FAM237B: variants seen among roughly 807,000 people sequenced by gnomAD.
FAM237B encodes the protein protein FAM237B.
rs42610 is a variant in FAM237B, at chr7:90,320,697, A to T, written c.-20T>A. On this transcript the variant is annotated 5_prime_UTR_variant, in exon 2 of 3. Coordinates refer to ENST00000692316, the MANE Select transcript of FAM237B (RefSeq NM_001384237.2). ...AGGACTCACCTTTCCCCCCGTACAC[A>T]GCCGTCTGCCACCTCCCTAAAAAAG... is the stretch of plus-strand genomic sequence containing the variant. 6.6e-6 allele frequency: 1 copy of T among 152,332 alleles called. No homozygotes were observed. The highest frequency in any genetic ancestry group is 1.5e-5 in the Non-Finnish European group (1 of 68,158). The allele number at this position is 152,332 out of a possible 1,614,324, so 9.4% of individuals were successfully genotyped here.
rs1394395396 is a variant in FAM237B at position 90,320,682 on chromosome 7, T to A, written c.-5A>T. 6.6e-6 allele frequency: 1 copy of A among 152,290 alleles called. No homozygotes were observed. Among genetic ancestry groups the A allele is most frequent in the African/African-American group, 2.4e-5 (1 of 41,452 alleles). 9.4% of individuals were successfully genotyped at this position (152,290 alleles called of 1,614,324 possible). A position where few individuals can be genotyped will look rare whatever the true frequency, so the allele number is the denominator to read the frequency against. On this transcript the variant is annotated splice_region_variant and 5_prime_UTR_variant, in exon 2 of 3. It adds an upstream start codon to the 5' untranslated region. Coordinates refer to ENST00000692316, the MANE Select transcript of FAM237B (RefSeq NM_001384237.2). ...ACAGATCCAGAACACAGGACTCACC[T>A]TTCCCCCCGTACACAGCCGTCTGCC...
chr7:90,321,153 A>C lies in FAM237B; in HGVS notation c.-282T>G, dbSNP rs1795277135. On this transcript the variant is annotated 5_prime_UTR_variant, in exon 1 of 3. Coordinates refer to ENST00000692316, the MANE Select transcript of FAM237B (RefSeq NM_001384237.2). ...GAACTGGGCGAGGCAGCGCTGTGTC[A>C]CCCACCCCGAGCGCTCACCGGGCGC... The C allele has an allele frequency of 6.6e-6, 1 of 152,164 alleles. No homozygotes were observed. Among genetic ancestry groups the C allele is most frequent in the African/African-American group, 2.4e-5 (1 of 41,422 alleles). The allele number at this position is 152,164 out of a possible 1,614,324, so 9.4% of individuals were successfully genotyped here.
In FAM237B at chr7:90,319,502, G is replaced by C. The variant is rs17867618; in HGVS notation, c.247C>G (p.Arg83Gly). 1.0e-5 allele frequency: 4 copies of C among 398,326 alleles called. No individual in the cohort carries two copies. Among genetic ancestry groups the C allele is most frequent in the Admixed American group, 4.4e-5 (1 of 22,698 alleles). 24.7% of individuals were successfully genotyped at this position (398,326 alleles called of 1,614,324 possible). ...NFMLFLQKSQ[R>G]PGHYNVFLNI... ...AAGAAGACATTATAATGTCCAGGCC[G>C]CTGAGATTTTTGCAAGAACAACATG... Residue 83 changes from arginine to glycine, a missense_variant, in exon 3 of 3, where the codon CGG (arginine) becomes GGG (glycine). Coordinates refer to ENST00000692316, the MANE Select transcript of FAM237B (RefSeq NM_001384237.2).
rs1795142907 is a variant in FAM237B, at chr7:90,319,782, A to T, written c.-3-31T>A. 7.5e-6 allele frequency: 3 copies of T among 398,508 alleles called. No individual in the cohort carries two copies. The East Asian group carries it at 1.1e-4, about 14-fold the overall frequency. 24.7% of individuals were successfully genotyped at this position (398,508 alleles called of 1,614,324 possible). A position where few individuals can be genotyped will look rare whatever the true frequency, so the allele number is the denominator to read the frequency against. ...CAGAAAAAAAAATGAGAGAGGATAT[A>T]TTTAACTTAAAAAAGTTATTCAATC... is the stretch of plus-strand genomic sequence containing the variant. On this transcript the variant is annotated intron_variant, in intron 2 of 2. Coordinates refer to ENST00000692316, the MANE Select transcript of FAM237B (RefSeq NM_001384237.2).
At chr7:90,320,006 C>G (rs1034095820) in intron 2 of FAM237B, among the ~76,000 whole-genome samples, 2 of 152,146 alleles carry the variant, frequency 1.3e-5, no homozygotes, top group South Asian at 2.1e-4. Context: ...TTCATTTCAT[C>G]ACAGACCTTT....
rs1274484098 is a variant in FAM237B at position 90,319,076 on chromosome 7, G to T, written c.*253C>A. 2 of 268,096 alleles carry T rather than the reference G, an allele frequency of 7.5e-6. No homozygotes were observed. Among genetic ancestry groups the T allele is most frequent in the Non-Finnish European group, 6.9e-6 (1 of 144,590 alleles). 16.6% of individuals were successfully genotyped at this position (268,096 alleles called of 1,614,324 possible). A position where few individuals can be genotyped will look rare whatever the true frequency, so the allele number is the denominator to read the frequency against. The stretch of plus-strand genomic sequence containing the variant: ...ATATGAATAATTACAGGGTTAAATG[G>T]CTTTCTTATGAACTATTCATGGGCA... On this transcript the variant is annotated 3_prime_UTR_variant, in exon 3 of 3. Transcript: ENST00000692316.
In FAM237B at chr7:90,319,193, G is replaced by T; in HGVS notation, c.*136C>A. The T allele has an allele frequency of 2.6e-6, 1 of 390,638 alleles. No homozygotes were observed. The highest frequency in any genetic ancestry group is 4.5e-6 in the Non-Finnish European group (1 of 221,490). The allele number at this position is 390,638 out of a possible 1,614,324, so 24.2% of individuals were successfully genotyped here. On this transcript the variant is annotated 3_prime_UTR_variant, in exon 3 of 3. Coordinates refer to ENST00000692316, the MANE Select transcript of FAM237B (RefSeq NM_001384237.2). ...AGAGCTTGTGTGGTTTGTAAATAAT[G>T]TAAAATGAGTAAAAATGAGAATCAA...
chr7:90,319,999 A>G (rs1198699983), intron 2 of FAM237B, among the ~76,000 whole-genome samples: 1 of 152,168 alleles, frequency 6.6e-6, no homozygotes, highest in Admixed American at 6.5e-5. Flanking sequence ...GCAAAGGTTC[A>G]TTTCATCACA....
Position 90,318,933 on chromosome 7 carries a change from G to T in FAM237B, c.*396C>A, listed in dbSNP as rs1472407631. The stretch of plus-strand genomic sequence containing the variant: ...CCTGTAAGATTTAAAAGAAGAAATT[G>T]TTAATATTCATTCCAATATGACTCT... On this transcript the variant is annotated 3_prime_UTR_variant, in exon 3 of 3. Coordinates refer to ENST00000692316, the MANE Select transcript of FAM237B (RefSeq NM_001384237.2). 2 of 153,214 alleles carry T rather than the reference G, an allele frequency of 1.3e-5. No homozygotes were observed. The highest frequency in any genetic ancestry group is 1.5e-5 in the Non-Finnish European group (1 of 68,764). The allele number at this position is 153,214 out of a possible 1,614,324, so 9.5% of individuals were successfully genotyped here.
At position 90,319,378 on chromosome 7, in the gene FAM237B, A is replaced by C; in HGVS notation, c.371T>G (p.Phe124Cys). 1 of 398,576 alleles carries C rather than the reference A, an allele frequency of 2.5e-6. No individual in the cohort carries two copies. Among genetic ancestry groups the C allele is most frequent in the Non-Finnish European group, 4.4e-6 (1 of 226,046 alleles). 24.7% of individuals were successfully genotyped at this position (398,576 alleles called of 1,614,324 possible). A position where few individuals can be genotyped will look rare whatever the true frequency, so the allele number is the denominator to read the frequency against. The part of the protein sequence containing the change: ...RRQVMPPKYN[F>C]PQKITGGNLN... ...ATTACCTCCTGTTATTTTCTGTGGA[A>C]AATTATATTTGGGGGGCATCACCTG... The change falls in exon 3 of 3, where the codon TTT becomes TGT. Residue 124 changes from phenylalanine (F) to cysteine (C), a missense_variant. Phe to Cys is a radical substitution (Grantham distance 205, BLOSUM62 -2). Transcript: ENST00000692316.
At position 90,320,697 on chromosome 7, in the gene FAM237B, A is replaced by G. The variant is rs42610; in HGVS notation, c.-20T>C. On this transcript the variant is annotated 5_prime_UTR_variant, in exon 2 of 3. Coordinates refer to ENST00000692316, the MANE Select transcript of FAM237B (RefSeq NM_001384237.2). Reference sequence around the variant, plus strand: ...AGGACTCACCTTTCCCCCCGTACACAGCCGTCTGCCACCTCCCTAAAAAAG... The same window carrying G: ...AGGACTCACCTTTCCCCCCGTACACGGCCGTCTGCCACCTCCCTAAAAAAG... The G allele has an allele frequency of 0.88, 133,440 of 152,440 alleles. 58,549 individuals are homozygous for G. The highest frequency in any genetic ancestry group is 1 in the East Asian group (5,178 of 5,184). The allele number at this position is 152,440 out of a possible 1,614,324, so 9.4% of individuals were successfully genotyped here.
Position 90,321,187 on chromosome 7 carries a change from G to T in FAM237B, c.-316C>A, listed in dbSNP as rs42615. On this transcript the variant is annotated 5_prime_UTR_variant, in exon 1 of 3. Coordinates refer to ENST00000692316, the MANE Select transcript of FAM237B (RefSeq NM_001384237.2). Reference sequence around the variant, plus strand: ...GAGCGCTCACCGGGCGCCCAAGCTCGCTCAGCGGAACCGTCTCGGCCGCGG... The same window carrying T: ...GAGCGCTCACCGGGCGCCCAAGCTCTCTCAGCGGAACCGTCTCGGCCGCGG... The T allele has an allele frequency of 0.5, 76,777 of 152,210 alleles. 20,251 individuals are homozygous for T. The highest frequency in any genetic ancestry group is 0.59 in the Non-Finnish European group (39,863 of 68,022). 9.4% of individuals were successfully genotyped at this position (152,210 alleles called of 1,614,324 possible).
Position 90,319,094 on chromosome 7 carries a change from C to A in FAM237B, c.*235G>T. On this transcript the variant is annotated 3_prime_UTR_variant, in exon 3 of 3. Coordinates refer to ENST00000692316, the MANE Select transcript of FAM237B (RefSeq NM_001384237.2). ...TTAAATGGCTTTCTTATGAACTATT[C>A]ATGGGCAAACAAGGATAATTTTAAT... is the stretch of plus-strand genomic sequence containing the variant. The A allele has an allele frequency of 3.3e-6, 1 of 304,652 alleles. No individual in the cohort carries two copies. The highest frequency in any genetic ancestry group is 6.0e-6 in the Non-Finnish European group (1 of 167,884). The allele number at this position is 304,652 out of a possible 1,614,324, so 18.9% of individuals were successfully genotyped here.
chr7:90,319,227 A>G lies in FAM237B; in HGVS notation c.*102T>C. ...GTAAAAATGAGAATCAAAACCTATCATTTTAGGGAAAAAAACTAAATATGG... is the reference window on the plus strand; with the variant it reads ...GTAAAAATGAGAATCAAAACCTATCGTTTTAGGGAAAAAAACTAAATATGG... On this transcript the variant is annotated 3_prime_UTR_variant, in exon 3 of 3. Transcript: ENST00000692316. 2.5e-6 allele frequency: 1 copy of G among 396,932 alleles called. No individual in the cohort carries two copies. Among genetic ancestry groups the G allele is most frequent in the Non-Finnish European group, 4.4e-6 (1 of 225,466 alleles). The allele number at this position is 396,932 out of a possible 1,614,324, so 24.6% of individuals were successfully genotyped here.
rs2117573136 is a variant in FAM237B at position 90,317,599 on chromosome 7, A to G, written c.*1730T>C. 6.6e-6 allele frequency: 1 copy of G among 152,198 alleles called. No homozygotes were observed. The highest frequency in any genetic ancestry group is 1.9e-4 in the East Asian group (1 of 5,184). The allele number at this position is 152,198 out of a possible 1,614,324, so 9.4% of individuals were successfully genotyped here. On this transcript the variant is annotated 3_prime_UTR_variant, in exon 3 of 3. Transcript: ENST00000692316. ...AGGTCCTTTAATATTGAAAATTCCT[A>G]ACCTGGGGTTTATGCAGCCCCCTGA...
At chr7:90,320,044 A>G (rs1795177294) in intron 2 of FAM237B, among the ~76,000 whole-genome samples, 1 of 152,232 alleles carries the variant, frequency 6.6e-6, no homozygotes, top group Non-Finnish European at 1.5e-5. Flanking sequence ...TAAAGAGCTT[A>G]TGCTCCAACC....
At position 90,318,054 on chromosome 7, in the gene FAM237B, AAGTGGGAAAC is replaced by A. The variant is rs1794970650; in HGVS notation, c.*1265_*1274del. ...TTCATGTGTCCCTCTTCACTAGGAG[AAGTGGGAAAC>A]AGACCAAATTTATAGGCACCCTTTA... is the stretch of plus-strand genomic sequence containing the variant. On this transcript the variant is annotated 3_prime_UTR_variant, in exon 3 of 3. Coordinates refer to ENST00000692316, the MANE Select transcript of FAM237B (RefSeq NM_001384237.2). The A allele has an allele frequency of 6.6e-6, 1 of 152,144 alleles. No homozygotes were observed. The highest frequency in any genetic ancestry group is 6.6e-5 in the Admixed American group (1 of 15,264). The allele number at this position is 152,144 out of a possible 1,614,324, so 9.4% of individuals were successfully genotyped here. A position where few individuals can be genotyped will look rare whatever the true frequency, so the allele number is the denominator to read the frequency against.
At position 90,319,591 on chromosome 7, in the gene FAM237B, G is replaced by A; in HGVS notation, c.158C>T (p.Ser53Phe). 2.5e-6 allele frequency: 1 copy of A among 398,560 alleles called. No homozygotes were observed. Among genetic ancestry groups the A allele is most frequent in the Non-Finnish European group, 4.4e-6 (1 of 226,062 alleles). 24.7% of individuals were successfully genotyped at this position (398,560 alleles called of 1,614,324 possible). ...TTCCTTGAGATCTATCAATGTCAAA[G>A]AGCAAGCTTTCCAGCACTGGAGATC... Reference protein sequence around the residue: ...DIDLQCWKACSLTLIDLKELK... With the variant: ...DIDLQCWKACFLTLIDLKELK... Residue 53 changes from serine to phenylalanine, a missense_variant, in exon 3 of 3, where the codon TCT becomes TTT. Ser to Phe is a radical substitution (Grantham distance 155). Coordinates refer to ENST00000692316, the MANE Select transcript of FAM237B (RefSeq NM_001384237.2).
intron 2 of FAM237B, chr7:90,320,317 C>G (rs1172693157): frequency 1.3e-5 from 2 of 152,134 alleles, no homozygotes; most frequent in Non-Finnish European, 2.9e-5. Flanking sequence ...ATACTTGTTA[C>G]GCACTAATAT....
Sources: gnomAD v4.1 joint callset for allele counts (sites outside exome capture counted in the v4.1 genomes callset) on GRCh38, gnomAD v4.1.1 for gene constraint, MANE v1.5 for transcripts, NCBI Gene and HGNC (gene_info 2026-07-23, HGNC 2026-07-21) for gene names.